Variants in PCDHA1 observed in about 807,000 individuals in gnomAD.
PCDHA1 encodes the protein protocadherin alpha-1.
PCDHA1 carries 42 observed loss-of-function variants against 61.3 expected under a neutral mutation model. The ratio of observed to expected loss-of-function variants is 0.69; its 90% CI spans 0.54 to 0.89. The LOEUF is 0.89. PCDHA1 is among the 40% of genes least tolerant of loss of function. The probability of loss-of-function intolerance (pLI) is 0.00; values close to 1 mark genes in which losing one functional copy is unlikely to be tolerated. For missense variants in PCDHA1, 1,256 were observed against 1,235.3 expected (o/e 1.02, Z -0.25); for synonymous variants, 610 against 553.8 (o/e 1.10, Z -1.43).
In PCDHA1 at chr5:140,787,855, C is replaced by T; in HGVS notation, c.1565C>T (p.Pro522Leu). 7 of 1,612,886 alleles carry T rather than the reference C, an allele frequency of 4.3e-6. No homozygotes were observed. The highest frequency in any genetic ancestry group is 5.9e-6 in the Non-Finnish European group (7 of 1,179,816). The change falls in exon 1 of 4, where the codon CCC becomes CTC. Residue 522 changes from proline to leucine, a missense_variant. Transcript: ENST00000504120. ...AGCGGCAAGGTGTACGCACTGCAGC[C>T]CCTGGACCACGAGGAGCTGGAGCTG... ...AESGKVYALQ[P>L]LDHEELELLQ...
chr5:140,921,203 G>A (rs782776779), intron 1 of PCDHA1, among the ~76,000 whole-genome samples: 22 of 151,476 alleles, frequency 1.5e-4, no homozygotes, highest in Non-Finnish European at 2.7e-4. Context: ...GATTGACAAC[G>A]ATAATTCACG....
At position 140,849,556 on chromosome 5, in the gene PCDHA1, C is replaced by G. The variant is rs2150440514; in HGVS notation, c.2394+60872C>G. On this transcript the variant is annotated intron_variant, in intron 1 of 3. Coordinates refer to ENST00000504120, the MANE Select transcript of PCDHA1 (RefSeq NM_018900.4). ...AATGCTCCACAGTTGACTATCAAAA[C>G]GCTCTCGGTTCCTGTAAAAGAGGAC... 3.1e-6 allele frequency: 5 copies of G among 1,598,518 alleles called. 1 individual carries two copies. In the Middle Eastern group the frequency reaches 5.0e-4, roughly 160 times the overall value.
chr5:140,883,761 G>C, intron 1 of PCDHA1: 1 of 1,612,908 alleles, frequency 6.2e-7, no homozygotes, highest in Non-Finnish European at 8.5e-7. Flanking sequence ...GTGGAGCGGC[G>C]GGTGGGCGAG....
chr5:140,926,890 A>C, intron 1 of PCDHA1: 2 of 1,543,874 alleles, frequency 1.3e-6, no homozygotes, highest in Non-Finnish European at 1.7e-6. Context: ...GCCTAGAGGG[A>C]GGATGGTGGG....
At chr5:140,809,768 T>G in intron 1 of PCDHA1, 1 of 562,544 alleles carries the variant, frequency 1.8e-6, no homozygotes, top group Non-Finnish European at 3.0e-6. Context: ...TATGCTGCAT[T>G]ATTCAATGCA....
rs78257345 is a variant in PCDHA1 at position 140,892,116 on chromosome 5, T to C, written c.2395-86833T>C. Among the ~76,000 whole-genome samples the C allele has an allele frequency of 8.0e-3, 1,216 of 152,346 alleles. 6 individuals are homozygous for C. The highest frequency in any genetic ancestry group is 0.019 in the African/African-American group (786 of 41,576). On this transcript the variant is annotated intron_variant, in intron 1 of 3. Transcript: ENST00000504120. ...AACTTTCAAGCTTGGCATTTATATCTGGAACACAATAAGCTCATGGTTTTA... is the reference window on the plus strand; with the variant it reads ...AACTTTCAAGCTTGGCATTTATATCCGGAACACAATAAGCTCATGGTTTTA...
At chr5:140,835,480 G>A (rs1343566248) in intron 1 of PCDHA1, 1 of 1,613,772 alleles carries the variant, frequency 6.2e-7, no homozygotes, top group Non-Finnish European at 8.5e-7. Flanking sequence ...GCCCAACCAG[G>A]TACCGTCATC....
intron 1 of PCDHA1, among the ~76,000 whole-genome samples, chr5:140,832,761 A>T (rs1003830493): frequency 6.6e-5 from 10 of 152,344 alleles, no homozygotes; most frequent in African/African-American, 2.4e-4. Flanking sequence ...AAAAGCAAGA[A>T]TATTGTAAGA....
At chr5:140,941,648 T>C (rs975692197) in intron 1 of PCDHA1, among the ~76,000 whole-genome samples, 1 of 152,074 alleles carries the variant, frequency 6.6e-6, no homozygotes, top group Non-Finnish European at 1.5e-5. Context: ...TTCCTACAAC[T>C]TATGTCCAAT....
At chr5:140,924,105 C>A (rs140580566) in intron 1 of PCDHA1, among the ~76,000 whole-genome samples, 5 of 152,144 alleles carry the variant, frequency 3.3e-5, no homozygotes, top group Admixed American at 2.6e-4. Flanking sequence ...ATTTTCATTC[C>A]AAAGCAGTTA....
intron 1 of PCDHA1, chr5:140,884,552 G>A (rs1554181720): frequency 6.2e-7 from 1 of 1,614,142 alleles, no homozygotes; most frequent in East Asian, 2.2e-5. Context: ...GTGCTCTGGG[G>A]AGGGCCCGCA....
chr5:140,788,666 T>C lies in PCDHA1; in HGVS notation c.2376T>C (p.Asn792=). ...AAAGAAATGAACAACCAGAAGCAAA[T>C]TTGGATCTTTCTGGTAATGTAAGTC... The part of the protein sequence containing the change: ...TSERNEQPEA[N]LDLSGNPRQP... The change falls in exon 1 of 4, where the codon AAT becomes AAC. Residue 792 remains asparagine, a synonymous_variant. Transcript: ENST00000504120. The C allele has an allele frequency of 1.3e-6, 2 of 1,569,150 alleles. No homozygotes were observed. The highest frequency in any genetic ancestry group is 1.7e-6 in the Non-Finnish European group (2 of 1,156,878).
intron 1 of PCDHA1, chr5:140,927,773 A>C (rs143568645): frequency 6.2e-7 from 1 of 1,614,078 alleles, no homozygotes; most frequent in Non-Finnish European, 8.5e-7. Flanking sequence ...GGGGAGGTGC[A>C]AGTAGCTGCT....
chr5:140,958,900 C>T (rs246008), intron 1 of PCDHA1, among the ~76,000 whole-genome samples: 85,461 of 151,702 alleles, frequency 0.56, 24,676 homozygotes, highest in African/African-American at 0.69. Flanking sequence ...ATAATAGATA[C>T]AGAAAAGTCT....
At chr5:140,984,132 G>A (rs1395953013) in intron 3 of PCDHA1, among the ~76,000 whole-genome samples, 1 of 152,240 alleles carries the variant, frequency 6.6e-6, no homozygotes, top group African/African-American at 2.4e-5. Context: ...GTTGCAGGAT[G>A]TGGAGGCATC....
chr5:140,902,258 G>A (rs1389556264), intron 1 of PCDHA1, among the ~76,000 whole-genome samples: 2 of 137,592 alleles, frequency 1.5e-5, no homozygotes, highest in African/African-American at 5.6e-5. Context: ...GGCTGGTCTC[G>A]AACTCCTGGG....
chr5:140,990,605 A>T (rs1234326404), intron 3 of PCDHA1, among the ~76,000 whole-genome samples: 4 of 152,214 alleles, frequency 2.6e-5, no homozygotes, highest in Non-Finnish European at 4.4e-5. Flanking sequence ...GAGTCAGATG[A>T]ATACCGTAAA....
At chr5:140,971,487 C>T (rs1285006281) in intron 1 of PCDHA1, among the ~76,000 whole-genome samples, 1 of 152,110 alleles carries the variant, frequency 6.6e-6, no homozygotes, top group African/African-American at 2.4e-5. Flanking sequence ...CACATTGTTA[C>T]AGTGTGGCAA....
chr5:141,004,178 T>G (rs527276653), intron 3 of PCDHA1, among the ~76,000 whole-genome samples: 2 of 152,372 alleles, frequency 1.3e-5, no homozygotes, highest in South Asian at 2.1e-4. Flanking sequence ...CCAAGTGTCT[T>G]GAGTGCTCTT....
Sources: gnomAD v4.1 joint callset for allele counts (sites outside exome capture counted in the v4.1 genomes callset) on GRCh38, gnomAD v4.1.1 for gene constraint, MANE v1.5 for transcripts, NCBI Gene and HGNC (gene_info 2026-07-23, HGNC 2026-07-21) for gene names.